FAM168B: variants seen among roughly 807,000 people sequenced by gnomAD.
FAM168B encodes myelin-associated neurite-outgrowth inhibitor.
FAM168B carries 19 observed loss-of-function variants against 21.8 expected under a neutral mutation model. The observed-to-expected ratio is 0.87, with a 90% confidence interval of 0.61 to 1.28. FAM168B has a LOEUF of 1.28. FAM168B is among the 50% of genes most tolerant of loss of function. The pLI is 0.00. For missense variants in FAM168B, 233 were observed against 263.1 expected (o/e 0.89, Z 0.79); for synonymous variants, 126 against 104.8 (o/e 1.20, Z -1.24).
chr2:131,078,864 T>C (rs531958365), intron 2 of FAM168B, among the ~76,000 whole-genome samples: 92 of 151,894 alleles, frequency 6.1e-4, no homozygotes, highest in African/African-American at 2.1e-3. Flanking sequence ...CGCACACCTG[T>C]AGTCCCAGCT....
rs765658893 is a variant in FAM168B, at chr2:131,051,678, GA to G, written c.*786del. The G allele has an allele frequency of 3.0e-6, 3 of 985,230 alleles. No homozygotes were observed. Among genetic ancestry groups the G allele is most frequent in the Non-Finnish European group, 3.6e-6 (3 of 829,940 alleles). 61.0% of individuals were successfully genotyped at this position (985,230 alleles called of 1,614,324 possible). A position where few individuals can be genotyped will look rare whatever the true frequency, so the allele number is the denominator to read the frequency against. On this transcript the variant is annotated 3_prime_UTR_variant, in exon 7 of 7. Transcript: ENST00000389915. ...CTGTAATGAAAATTTAGATAGCAGAGAAACTGCTTTGCTGACACATAAACCA... is the reference window on the plus strand; with the variant it reads ...CTGTAATGAAAATTTAGATAGCAGAGAACTGCTTTGCTGACACATAAACCA...
chr2:131,063,740 C>A (rs1024317684), intron 3 of FAM168B, among the ~76,000 whole-genome samples: 2 of 152,102 alleles, frequency 1.3e-5, no homozygotes, highest in East Asian at 1.9e-4. Flanking sequence ...GATTGTGCAA[C>A]CACACTCCAG....
At chr2:131,071,296 G>A (rs888020806) in intron 3 of FAM168B, among the ~76,000 whole-genome samples, 10 of 152,086 alleles carry the variant, frequency 6.6e-5, no homozygotes, top group African/African-American at 1.7e-4. Context: ...AGCCCCGTGT[G>A]GGTGAAAAAA....
At chr2:131,090,709 G>A (rs867810390) in intron 1 of FAM168B, among the ~76,000 whole-genome samples, 3 of 152,052 alleles carry the variant, frequency 2.0e-5, no homozygotes. Flanking sequence ...TCTACAAAAT[G>A]AACATATATA....
Position 131,053,031 on chromosome 2 carries a change from G to C in FAM168B, c.476-16C>G. On this transcript the variant is annotated splice_polypyrimidine_tract_variant and intron_variant, in intron 5 of 6. Transcript: ENST00000389915. ...AGCAGGGTACCTGGAAGAAAGAGCA[G>C]CACATGACATGAGGCTGACCTCCTG... The C allele has an allele frequency of 6.5e-7, 1 of 1,544,414 alleles. No individual in the cohort carries two copies. The highest frequency in any genetic ancestry group is 8.7e-7 in the Non-Finnish European group (1 of 1,143,910).
chr2:131,071,983 C>T (rs927643384), intron 2 of FAM168B, 45 bp from the exon 3 acceptor site: 105 of 1,500,924 alleles, frequency 7.0e-5, no homozygotes, highest in Middle Eastern at 3.4e-4. Flanking sequence ...ACTGAAGTAG[C>T]GACAATCACT....
intron 1 of FAM168B, among the ~76,000 whole-genome samples, chr2:131,089,568 A>T (rs1282550572): frequency 6.8e-6 from 1 of 147,226 alleles, no homozygotes; most frequent in Non-Finnish European, 1.5e-5. Flanking sequence ...TGTCTCTACT[A>T]AAAAAAAATA....
At position 131,082,508 on chromosome 2, in the gene FAM168B, T is replaced by C. The variant is rs774286012; in HGVS notation, c.70+69A>G. ...GAGCTGCGTTTGTCAATAGAAAGCA[T>C]TCTTAGTGACATGAAAATATACCAA... is the stretch of plus-strand genomic sequence containing the variant. On this transcript the variant is annotated intron_variant, in intron 2 of 6. Transcript: ENST00000389915. The C allele has an allele frequency of 1.9e-4, 204 of 1,086,540 alleles. 2 individuals carry two copies. The highest frequency in any genetic ancestry group is 2.7e-4 in the Non-Finnish European group (201 of 740,834). The allele number at this position is 1,086,540 out of a possible 1,614,324, so 67.3% of individuals were successfully genotyped here.
intron 3 of FAM168B, among the ~76,000 whole-genome samples, chr2:131,068,221 C>T (rs189191130): frequency 6.6e-6 from 1 of 152,196 alleles, no homozygotes; most frequent in East Asian, 1.9e-4. Flanking sequence ...TGCAGTGGTG[C>T]GATTTTGGCT....
chr2:131,064,026 A>C (rs1259177205), intron 3 of FAM168B, among the ~76,000 whole-genome samples: 4 of 152,234 alleles, frequency 2.6e-5, no homozygotes, highest in South Asian at 4.2e-4. Context: ...GGTCTTTCCA[A>C]AACAACAGCT....
intron 3 of FAM168B, among the ~76,000 whole-genome samples, chr2:131,061,119 G>A (rs1692271450): frequency 6.8e-6 from 1 of 147,356 alleles, no homozygotes; most frequent in Non-Finnish European, 1.5e-5. Flanking sequence ...CCAAAGTGCT[G>A]GGATGACAGG....
chr2:131,079,010 T>G (rs1015707737), intron 2 of FAM168B, among the ~76,000 whole-genome samples: 2 of 151,656 alleles, frequency 1.3e-5, no homozygotes, highest in Non-Finnish European at 2.9e-5. Context: ...AAAATTATTT[T>G]GACAGAAACC....
chr2:131,078,042 A>G (rs1693248674), intron 2 of FAM168B, among the ~76,000 whole-genome samples: 1 of 152,234 alleles, frequency 6.6e-6, no homozygotes. Context: ...AAGACCATTC[A>G]GCATGCTACC....
chr2:131,060,509 T>A (rs991541229), intron 3 of FAM168B, among the ~76,000 whole-genome samples: 1 of 152,198 alleles, frequency 6.6e-6, no homozygotes, highest in Non-Finnish European at 1.5e-5. Flanking sequence ...TTCAACTTTA[T>A]AAAAAATTCA....
chr2:131,078,282 G>GA (rs1239303913), intron 2 of FAM168B, among the ~76,000 whole-genome samples: 1 of 152,132 alleles, frequency 6.6e-6, no homozygotes, highest in Admixed American at 6.5e-5. Flanking sequence ...AGAAGATGGA[G>GA]AAAATACATA....
chr2:131,060,863 T>C (rs1692255487), intron 3 of FAM168B, among the ~76,000 whole-genome samples: 1 of 152,138 alleles, frequency 6.6e-6, no homozygotes, highest in African/African-American at 2.4e-5. Context: ...CGTAATTTTT[T>C]TTTTTTGAGA....
chr2:131,051,277 C>G lies in FAM168B; in HGVS notation c.*1188G>C. On this transcript the variant is annotated 3_prime_UTR_variant, in exon 7 of 7. Coordinates refer to ENST00000389915, the MANE Select transcript of FAM168B (RefSeq NM_001009993.4). ...ATCAGGTGGGTGATCCCAGAAGCAG[C>G]TACAGGTTTCTACATTTCCAGACAT... 1 of 985,348 alleles carries G rather than the reference C, an allele frequency of 1.0e-6. No homozygotes were observed. Among genetic ancestry groups the G allele is most frequent in the Non-Finnish European group, 1.2e-6 (1 of 829,926 alleles). The allele number at this position is 985,348 out of a possible 1,614,324, so 61.0% of individuals were successfully genotyped here.
At chr2:131,079,346 A>C (rs11694994) in intron 2 of FAM168B, among the ~76,000 whole-genome samples, 1 of 152,072 alleles carries the variant, frequency 6.6e-6, no homozygotes, top group Non-Finnish European at 1.5e-5. Flanking sequence ...CACGCACCAC[A>C]TACCTGTAAT....
chr2:131,061,385 A>G (rs961323330), intron 3 of FAM168B, among the ~76,000 whole-genome samples: 2 of 151,968 alleles, frequency 1.3e-5, no homozygotes, highest in African/African-American at 4.8e-5. Context: ...TACGCTAGCC[A>G]GAAAATCTCC....
Sources: gnomAD v4.1 joint callset for allele counts (sites outside exome capture counted in the v4.1 genomes callset) on GRCh38, gnomAD v4.1.1 for gene constraint, MANE v1.5 for transcripts, NCBI Gene and HGNC (gene_info 2026-07-23, HGNC 2026-07-21) for gene names.